The following CTNNA2 variants were observed in gnomAD, a reference collection of about 807,000 sequenced individuals.
The protein encoded by CTNNA2 is catenin alpha-2.
CTNNA2 carries 42 observed loss-of-function variants against 101.0 expected under a neutral mutation model. The ratio of observed to expected loss-of-function variants is 0.42; its 90% CI spans 0.32 to 0.54. The LOEUF is 0.54. Among genes scored for constraint, CTNNA2 ranks in the 20% least tolerant of loss-of-function variants. The pLI is 0.14. For missense variants in CTNNA2, 871 were observed against 1,223.1 expected (o/e 0.71, Z 4.29); for synonymous variants, 450 against 456.4 (o/e 0.99, Z 0.18).
At position 80,631,368 on chromosome 2, in the gene CTNNA2, T is replaced by C. The variant is rs12618682; in HGVS notation, c.2574+12140T>C. Among the ~76,000 whole-genome samples the C allele has an allele frequency of 6.5e-4, 55 of 84,198 alleles. 1 individual carries two copies. Among genetic ancestry groups the C allele is most frequent in the Non-Finnish European group, 3.1e-4 (11 of 35,686 alleles). 55.2% of individuals were successfully genotyped at this position (84,198 alleles called of 152,430 possible). A position where few individuals can be genotyped will look rare whatever the true frequency, so the allele number is the denominator to read the frequency against. On this transcript the variant is annotated intron_variant, in intron 18 of 18. Coordinates refer to ENST00000402739, the MANE Select transcript of CTNNA2 (RefSeq NM_001282597.3). Reference sequence around the variant, plus strand: ...CTTTCAAAGAAACCACTAATTTTTTTTTTTTTTTTTTTAGCAACACTATTA... The same window carrying C: ...CTTTCAAAGAAACCACTAATTTTTTCTTTTTTTTTTTTAGCAACACTATTA...
intron 8 of CTNNA2, among the ~76,000 whole-genome samples, chr2:80,418,475 A>T (rs1036565761): frequency 1.3e-5 from 2 of 152,194 alleles, no homozygotes; most frequent in African/African-American, 4.8e-5. Flanking sequence ...AATGTCAGAC[A>T]CAATTCAGAG....
intron 12 of CTNNA2, among the ~76,000 whole-genome samples, chr2:80,567,633 T>C (rs1219481776): frequency 6.6e-6 from 1 of 152,136 alleles, no homozygotes; most frequent in African/African-American, 2.4e-5. Flanking sequence ...AGAAATAACA[T>C]CAAACATCAC....
At chr2:79,859,045 G>A (rs1186267431) in intron 4 of CTNNA2, among the ~76,000 whole-genome samples, 4 of 151,776 alleles carry the variant, frequency 2.6e-5, no homozygotes, top group Middle Eastern at 3.2e-3. Flanking sequence ...TCTGCTTAGA[G>A]AATCCCTACT....
At chr2:79,374,766 AT>A (rs5832384) in intron 4 of CTNNA2, among the ~76,000 whole-genome samples, 122,421 of 151,938 alleles carry the variant, frequency 0.81, 49,935 homozygotes, top group African/African-American at 0.93. Context: ...ACTCCATGAG[AT>A]TTTTTTTCCT....
intron 2 of CTNNA2, among the ~76,000 whole-genome samples, chr2:79,729,944 C>T (rs947946358): frequency 1.3e-5 from 2 of 151,984 alleles, no homozygotes; most frequent in African/African-American, 4.8e-5. Flanking sequence ...CTTTGAAAAA[C>T]AAGGGAATGT....
chr2:79,767,822 C>T (rs1673272476), intron 3 of CTNNA2, among the ~76,000 whole-genome samples: 2 of 151,372 alleles, frequency 1.3e-5, no homozygotes, highest in Non-Finnish European at 2.9e-5. Context: ...AAGGCAAAGT[C>T]TTCCCCACTC....
intron 7 of CTNNA2, among the ~76,000 whole-genome samples, chr2:80,060,270 G>T (rs1572968020): frequency 6.6e-6 from 1 of 152,198 alleles, no homozygotes; most frequent in South Asian, 2.1e-4. Context: ...CCTGGAGGCT[G>T]TCTGCATTAA....
chr2:80,369,950 A>G, intron 7 of CTNNA2, among the ~76,000 whole-genome samples: 1 of 152,186 alleles, frequency 6.6e-6, no homozygotes, highest in East Asian at 1.9e-4. Context: ...TCTGACCTAC[A>G]GAACTTAAGA....
chr2:80,177,519 G>A (rs191145191), intron 7 of CTNNA2, among the ~76,000 whole-genome samples: 124 of 152,250 alleles, frequency 8.1e-4, no homozygotes, highest in Middle Eastern at 3.4e-3. Flanking sequence ...GTGGAAGTCC[G>A]TGTTGCTGAG....
chr2:80,629,948 G>A (rs996760089), intron 18 of CTNNA2, among the ~76,000 whole-genome samples: 3 of 152,154 alleles, frequency 2.0e-5, no homozygotes, highest in East Asian at 1.9e-4. Flanking sequence ...CTGGAAGGGT[G>A]GAAGATGGCA....
At chr2:79,704,944 G>C (rs759403377) in intron 2 of CTNNA2, among the ~76,000 whole-genome samples, 52 of 151,772 alleles carry the variant, frequency 3.4e-4, no homozygotes, top group Non-Finnish European at 3.8e-4. Context: ...GAAAGTATGG[G>C]AAACTTCTGA....
At position 79,248,227 on chromosome 2, in the gene CTNNA2, C is replaced by T. The variant is rs13411941; in HGVS notation, c.-406+50151C>T. On this transcript the variant is annotated intron_variant, in intron 2 of 21. Transcript: ENST00000466387. The stretch of plus-strand genomic sequence containing the variant: ...GAGACCTTCAAGGCAATGTCTTGAC[C>T]GGTGCTATTCATTGGTAACATAATG... Among the ~76,000 whole-genome samples the T allele has an allele frequency of 7.1e-3, 1,077 of 151,966 alleles. 10 individuals carry two copies. The highest frequency in any genetic ancestry group is 0.025 in the African/African-American group (1,019 of 41,442).
chr2:80,507,633 G>A (rs1688378388), intron 9 of CTNNA2, among the ~76,000 whole-genome samples: 1 of 152,084 alleles, frequency 6.6e-6, no homozygotes, highest in African/African-American at 2.4e-5. Context: ...CTATTTTGTA[G>A]GAAATGTCAT....
At chr2:80,490,290 C>T (rs1344749833) in intron 9 of CTNNA2, among the ~76,000 whole-genome samples, 1 of 104,054 alleles carries the variant, frequency 9.6e-6, no homozygotes, top group Non-Finnish European at 1.8e-5. Flanking sequence ...ACCCCCCCCC[C>T]GGTAAAGCAC....
intron 3 of CTNNA2, 103 bp downstream of exon 3, chr2:79,744,685 C>A: frequency 9.0e-7 from 1 of 1,115,990 alleles, no homozygotes; most frequent in Non-Finnish European, 1.2e-6. Flanking sequence ...AGAAGTCTTA[C>A]GTTTTTTTCC....
At chr2:80,213,976 C>T (rs181924496) in intron 7 of CTNNA2, among the ~76,000 whole-genome samples, 2 of 152,264 alleles carry the variant, frequency 1.3e-5, no homozygotes, top group East Asian at 3.9e-4. Context: ...TAATGGCCTT[C>T]TTTGTCTCTT....
At chr2:80,187,151 C>T (rs934614529) in intron 7 of CTNNA2, among the ~76,000 whole-genome samples, 1 of 152,144 alleles carries the variant, frequency 6.6e-6, no homozygotes, top group Non-Finnish European at 1.5e-5. Flanking sequence ...ATATATATCT[C>T]ATATGGTCCA....
chr2:79,607,474 T>A lies in CTNNA2; in HGVS notation c.-5-44078T>A, dbSNP rs539783730. ...ATACATTTTTCCAAATACAAACAGGTAATTTTCCAAGATAGACCATATTGT... is the reference window on the plus strand; with the variant it reads ...ATACATTTTTCCAAATACAAACAGGAAATTTTCCAAGATAGACCATATTGT... On this transcript the variant is annotated intron_variant, in intron 1 of 18. Coordinates refer to ENST00000402739, the MANE Select transcript of CTNNA2 (RefSeq NM_001282597.3). Among the ~76,000 whole-genome samples, 25 of 152,196 alleles carry A rather than the reference T, an allele frequency of 1.6e-4. No individual in the cohort carries two copies. In the South Asian group the frequency reaches 5.2e-3, roughly 32 times the overall value.
intron 1 of CTNNA2, among the ~76,000 whole-genome samples, chr2:79,193,611 T>C (rs532615028): frequency 8.5e-5 from 13 of 152,296 alleles, no homozygotes; most frequent in Admixed American, 5.9e-4. Flanking sequence ...ATGACTGAAA[T>C]TGCTCTTTGC....
Sources: gnomAD v4.1 joint callset for allele counts (sites outside exome capture counted in the v4.1 genomes callset) on GRCh38, gnomAD v4.1.1 for gene constraint, MANE v1.5 for transcripts, NCBI Gene and HGNC (gene_info 2026-07-23, HGNC 2026-07-21) for gene names.